The following FRMD4A variants were observed in gnomAD, a reference collection of about 807,000 sequenced individuals.
FRMD4A encodes the protein FERM domain containing 4A.
Under a neutral mutation model 129.1 loss-of-function variants are expected in FRMD4A, and 29 were observed. The observed-to-expected ratio is 0.22, with a 90% CI of 0.17 to 0.31. The LOEUF is 0.31. Ranked by LOEUF, FRMD4A falls within the 10% of genes least tolerant of loss-of-function variation. The pLI is 1.00. For synonymous variants in FRMD4A, 634 were observed against 571.6 expected, an observed-to-expected ratio of 1.11 and a Z score of -1.56; for missense variants, 1,272 against 1,375.8, an observed-to-expected ratio of 0.92 and a Z score of 1.19.
chr10:14,311,091 G>A (rs1052524533), intron 2 of FRMD4A, among the ~76,000 whole-genome samples: 1 of 152,002 alleles, frequency 6.6e-6, no homozygotes, highest in Admixed American at 6.6e-5. Context: ...ATGTCCCCAA[G>A]GTGGTGTTTC....
chr10:13,922,274 T>C (rs2131261488), intron 2 of FRMD4A, among the ~76,000 whole-genome samples: 1 of 147,794 alleles, frequency 6.8e-6, no homozygotes, highest in Middle Eastern at 3.4e-3. Flanking sequence ...TGTCTATCCC[T>C]TACATTGGTG....
chr10:14,203,882 C>T (rs115433932), intron 2 of FRMD4A, among the ~76,000 whole-genome samples: 1 of 152,238 alleles, frequency 6.6e-6, no homozygotes. Context: ...GAGGTATTAT[C>T]TCAGCCAATC....
At chr10:14,318,329 C>CCCT (rs1554808965) in intron 2 of FRMD4A, among the ~76,000 whole-genome samples, 6 of 145,822 alleles carry the variant, frequency 4.1e-5, no homozygotes, top group African/African-American at 1.2e-4. Flanking sequence ...CCCCCCCCAC[C>CCCT]TTTTTTTTTT....
intron 2 of FRMD4A, among the ~76,000 whole-genome samples, chr10:14,238,528 T>C (rs1403982742): frequency 6.6e-6 from 1 of 152,204 alleles, no homozygotes; most frequent in Non-Finnish European, 1.5e-5. Flanking sequence ...TATTTATTTA[T>C]ATTTTACTTT....
chr10:13,873,036 C>G (rs578091412), intron 2 of FRMD4A, among the ~76,000 whole-genome samples: 3 of 151,722 alleles, frequency 2.0e-5, no homozygotes, highest in Non-Finnish European at 4.4e-5. Context: ...ATTAGCCGGG[C>G]ATGGTGGTGA....
At chr10:14,122,901 C>T (rs990587397) in intron 2 of FRMD4A, among the ~76,000 whole-genome samples, 5 of 152,106 alleles carry the variant, frequency 3.3e-5, no homozygotes, top group South Asian at 2.1e-4. Flanking sequence ...TTATCATTTC[C>T]TTGTGTTGGG....
At chr10:14,284,324 A>G (rs1179893822) in intron 2 of FRMD4A, among the ~76,000 whole-genome samples, 2 of 152,154 alleles carry the variant, frequency 1.3e-5, no homozygotes, top group African/African-American at 4.8e-5. Flanking sequence ...GTGGTAACTG[A>G]AATTTATACC....
At position 13,674,930 on chromosome 10, in the gene FRMD4A, T is replaced by C; in HGVS notation, c.1232A>G (p.Lys411Arg). 1 of 1,614,170 alleles carries C rather than the reference T, an allele frequency of 6.2e-7. No individual in the cohort carries two copies. Among genetic ancestry groups the C allele is most frequent in the Non-Finnish European group, 8.5e-7 (1 of 1,180,008 alleles). Residue 411 changes from lysine (K) to arginine (R), a missense_variant, in exon 16 of 25, where the codon AAG (lysine) becomes AGG (arginine). Physicochemically the swap from Lys to Arg is conservative, Grantham distance 26. Around this residue, in one of 2 missense-constraint regions of FRMD4A, gnomAD observed 972 missense variants for 892.3 expected, o/e 1.09. Transcript: ENST00000357447. ...GCTTACAGCTTCTCGGAGACACAGCTTCTTCAGTTCCTCCAGCCTCTGACG... is the reference window on the plus strand; with the variant it reads ...GCTTACAGCTTCTCGGAGACACAGCCTCTTCAGTTCCTCCAGCCTCTGACG... ...TLRQRLEELK[K>R]LCLREAELTG...
chr10:13,698,968 G>C (rs1195497186), intron 14 of FRMD4A, among the ~76,000 whole-genome samples: 1 of 149,860 alleles, frequency 6.7e-6, no homozygotes, highest in Non-Finnish European at 1.5e-5. Context: ...TTTACAAAAG[G>C]GACAGCTGAA....
chr10:14,021,301 C>T lies in FRMD4A; in HGVS notation c.46-162389G>A, dbSNP rs141319380. On this transcript the variant is annotated intron_variant, in intron 2 of 24. Coordinates refer to ENST00000357447, the MANE Select transcript of FRMD4A (RefSeq NM_018027.5). Reference sequence around the variant, plus strand: ...ACACCTGTAATAATCCTAGCACTTTCGGGGCTGAAGCAAAATGTTTGCTTG... The same window carrying T: ...ACACCTGTAATAATCCTAGCACTTTTGGGGCTGAAGCAAAATGTTTGCTTG... Among the ~76,000 whole-genome samples the T allele has an allele frequency of 6.4e-3, 975 of 151,938 alleles. 5 individuals are homozygous for T. Among genetic ancestry groups the T allele is most frequent in the Non-Finnish European group, 0.01 (704 of 67,992 alleles).
chr10:13,923,142 T>C lies in FRMD4A; in HGVS notation c.46-64230A>G, dbSNP rs887067937. Among the ~76,000 whole-genome samples, 16 of 152,124 alleles carry C rather than the reference T, an allele frequency of 1.1e-4. No individual in the cohort carries two copies. The East Asian group carries it at 2.9e-3, about 28-fold the overall frequency. The stretch of plus-strand genomic sequence containing the variant: ...CCTAGAGTGGATGGTCTGTATCGAG[T>C]GAGGTTTTCCAGGGCAATGTTATTC... On this transcript the variant is annotated intron_variant, in intron 2 of 24. Transcript: ENST00000357447.
chr10:13,979,476 G>A lies in FRMD4A; in HGVS notation c.46-120564C>T, dbSNP rs116145803. Among the ~76,000 whole-genome samples, 842 of 152,296 alleles carry A rather than the reference G, an allele frequency of 5.5e-3. 13 individuals carry two copies. The highest frequency in any genetic ancestry group is 0.019 in the African/African-American group (778 of 41,560). ...GTTAGAAAATGTGTGTCTAGAAGCT[G>A]GGAAGAGGTTGGAGGATTGCTCAGT... On this transcript the variant is annotated intron_variant, in intron 2 of 24. Coordinates refer to ENST00000357447, the MANE Select transcript of FRMD4A (RefSeq NM_018027.5).
chr10:13,890,396 G>A (rs925911153), intron 2 of FRMD4A: 23 of 317,934 alleles, frequency 7.2e-5, no homozygotes, highest in African/African-American at 5.2e-4. Flanking sequence ...TGGCTTCCCA[G>A]GATGAAGTCA....
chr10:14,277,344 A>C (rs1347666275), intron 2 of FRMD4A, among the ~76,000 whole-genome samples: 1 of 152,216 alleles, frequency 6.6e-6, no homozygotes, highest in East Asian at 1.9e-4. Flanking sequence ...GGTATTAGGA[A>C]GGGGGGCGGT....
intron 2 of FRMD4A, among the ~76,000 whole-genome samples, chr10:14,177,091 A>G (rs761621281): frequency 2.6e-4 from 40 of 152,158 alleles, no homozygotes; most frequent in Non-Finnish European, 5.3e-4. Flanking sequence ...TGCCCTGTTC[A>G]TGACATGTAA....
chr10:13,927,379 G>A (rs2095145631), intron 2 of FRMD4A, among the ~76,000 whole-genome samples: 1 of 152,158 alleles, frequency 6.6e-6, no homozygotes, highest in Non-Finnish European at 1.5e-5. Context: ...CTAGAACCTA[G>A]ACTCCTCTAA....
chr10:13,807,511 TA>T (rs2093375491), intron 4 of FRMD4A, among the ~76,000 whole-genome samples: 1 of 152,148 alleles, frequency 6.6e-6, no homozygotes, highest in African/African-American at 2.4e-5. Context: ...GTTAAAAGAT[TA>T]AAAAAAGAAA....
intron 14 of FRMD4A, among the ~76,000 whole-genome samples, chr10:13,695,732 A>G (rs2086162959): frequency 6.6e-6 from 1 of 152,184 alleles, no homozygotes; most frequent in Non-Finnish European, 1.5e-5. Flanking sequence ...GTGGAACCCA[A>G]GGTCTTTCCC....
chr10:13,997,147 C>CT (rs555597406), intron 2 of FRMD4A, among the ~76,000 whole-genome samples: 8 of 150,922 alleles, frequency 5.3e-5, no homozygotes, highest in South Asian at 2.1e-4. Context: ...TCTCTCTTGC[C>CT]TTTTTTTTTG....
Sources: gnomAD v4.1 joint callset for allele counts (sites outside exome capture counted in the v4.1 genomes callset) on GRCh38, gnomAD v4.1.1 for gene constraint, gnomAD v4.1.1 regional missense constraint, MANE v1.5 for transcripts, NCBI Gene and HGNC (gene_info 2026-07-23, HGNC 2026-07-21) for gene names.